Variants in FANCC observed in about 807,000 individuals in gnomAD.
FANCC encodes the protein Fanconi anemia group C protein.
FANCC carries 55 observed loss-of-function variants against 71.3 expected under a neutral mutation model. The ratio of observed to expected loss-of-function variants is 0.77; its 90% CI spans 0.62 to 0.97. FANCC has a LOEUF of 0.97. FANCC is among the 50% of genes least tolerant of loss of function. The pLI is 0.00. For missense variants in FANCC, 678 were observed against 670.9 expected (o/e 1.01, Z -0.12); for synonymous variants, 275 against 244.9 (o/e 1.12, Z -1.15).
At chr9:95,165,549 T>C (rs1373586879) in intron 6 of FANCC, among the ~76,000 whole-genome samples, 5 of 152,070 alleles carry the variant, frequency 3.3e-5, no homozygotes, top group Non-Finnish European at 7.4e-5. Context: ...TTTGACTCAC[T>C]GGTTGTTTAA....
intron 4 of FANCC, among the ~76,000 whole-genome samples, chr9:95,200,037 C>T (rs940185016): frequency 4.6e-5 from 7 of 152,040 alleles, no homozygotes; most frequent in South Asian, 2.1e-4. Flanking sequence ...TCTTTTATTT[C>T]GGTGTAAATT....
intron 1 of FANCC, among the ~76,000 whole-genome samples, chr9:95,279,378 G>C (rs368104267): frequency 1.3e-4 from 20 of 151,418 alleles, no homozygotes; most frequent in African/African-American, 4.1e-4. Flanking sequence ...GGTGGTGCAT[G>C]CCTGTGGTCC....
intron 11 of FANCC, among the ~76,000 whole-genome samples, chr9:95,116,494 C>G (rs1351828211): frequency 6.6e-6 from 1 of 152,180 alleles, no homozygotes; most frequent in Non-Finnish European, 1.5e-5. Flanking sequence ...TCTACTCACT[C>G]AAGTCTCAGA....
intron 1 of FANCC, chr9:95,293,283 T>C: frequency 2.5e-6 from 4 of 1,613,724 alleles, no homozygotes; most frequent in Non-Finnish European, 2.5e-6. Flanking sequence ...CTCATGCCTG[T>C]CTTTGTGCCT....
chr9:95,114,697 TC>T lies in FANCC; in HGVS notation c.1085del (p.Gly362AspfsTer7). 1 of 1,614,090 alleles carries T rather than the reference TC, an allele frequency of 6.2e-7. No individual in the cohort carries two copies. Among genetic ancestry groups the T allele is most frequent in the Non-Finnish European group, 8.5e-7 (1 of 1,179,982 alleles). On this transcript the variant is annotated frameshift_variant, in exon 12 of 15. Coordinates refer to ENST00000289081, the MANE Select transcript of FANCC (RefSeq NM_000136.3). LOFTEE classifies it high-confidence loss of function. ...TATGCTTCAGTGTCTGGAGCCAGTGTCCCCGAGGGATATCTGCGGGTGGAGA... is the reference window on the plus strand; with the variant it reads ...TATGCTTCAGTGTCTGGAGCCAGTGTCCCGAGGGATATCTGCGGGTGGAGA... Reference protein sequence around the residue: ...LLQDPQDIPRGHWLQTLKHIS... With the variant: ...LLQDPQDIPRXHWLQTLKHIS...
intron 1 of FANCC, chr9:95,293,177 A>G: frequency 1.2e-6 from 2 of 1,612,566 alleles, no homozygotes; most frequent in Non-Finnish European, 1.7e-6. Flanking sequence ...ACTGACAAGC[A>G]GACTCTTTCT....
At chr9:95,297,710 T>C (rs960855693) in intron 1 of FANCC, among the ~76,000 whole-genome samples, 31 of 152,370 alleles carry the variant, frequency 2.0e-4, no homozygotes, top group Admixed American at 1.2e-3. Flanking sequence ...AACTATTACA[T>C]GTTTTCTCTC....
At chr9:95,240,775 A>C in intron 3 of FANCC, 32 bp from the exon 4 acceptor site, 4 of 1,281,590 alleles carry the variant, frequency 3.1e-6, no homozygotes, top group Non-Finnish European at 4.5e-6. Context: ...AAGTTTTATC[A>C]AGCAGAAAAA....
At chr9:95,313,218 C>A (rs566365151) in intron 1 of FANCC, among the ~76,000 whole-genome samples, 1 of 152,282 alleles carries the variant, frequency 6.6e-6, no homozygotes, top group African/African-American at 2.4e-5. Context: ...AGCGGCACAC[C>A]CCAGGGAGCT....
chr9:95,194,107 C>T (rs1348441259), intron 4 of FANCC, among the ~76,000 whole-genome samples: 2 of 152,110 alleles, frequency 1.3e-5, no homozygotes, highest in South Asian at 4.2e-4. Context: ...TTCTGATGTG[C>T]AGCCAGGGCC....
At chr9:95,189,526 TC>T (rs1314326194) in intron 4 of FANCC, among the ~76,000 whole-genome samples, 2 of 111,528 alleles carry the variant, frequency 1.8e-5, no homozygotes, top group Non-Finnish European at 3.6e-5. Flanking sequence ...GCTCATTAGT[TC>T]CGGGGGGGGA....
At position 95,306,821 on chromosome 9, in the gene FANCC, C is replaced by T. The variant is rs747670535; in HGVS notation, c.-79+10705G>A. On this transcript the variant is annotated intron_variant, in intron 1 of 14. Coordinates refer to ENST00000289081, the MANE Select transcript of FANCC (RefSeq NM_000136.3). ...TCTTGGGAATTCCTTAATTATGAGC[C>T]AAAGTAATTTTTTTGAAAAGTCTCC... Among the ~76,000 whole-genome samples, 10 of 152,070 alleles carry T rather than the reference C, an allele frequency of 6.6e-5. No individual in the cohort carries two copies. The East Asian group carries it at 1.7e-3, about 27-fold the overall frequency.
At chr9:95,228,589 C>T (rs145383545) in intron 4 of FANCC, among the ~76,000 whole-genome samples, 1 of 152,228 alleles carries the variant, frequency 6.6e-6, no homozygotes, top group African/African-American at 2.4e-5. Context: ...GAACATGTAA[C>T]TTAGTTGGGA....
chr9:95,219,467 GT>G (rs958295849), intron 4 of FANCC, among the ~76,000 whole-genome samples: 6 of 151,788 alleles, frequency 4.0e-5, no homozygotes, highest in Non-Finnish European at 7.4e-5. Context: ...AGAATTGGCT[GT>G]TTTTTTTCAA....
At chr9:95,129,578 C>T (rs1826561687) in intron 8 of FANCC, among the ~76,000 whole-genome samples, 1 of 152,166 alleles carries the variant, frequency 6.6e-6, no homozygotes, top group African/African-American at 2.4e-5. Context: ...ATTATCTTTT[C>T]TATAAAAGCG....
intron 6 of FANCC, among the ~76,000 whole-genome samples, chr9:95,165,077 C>T (rs1332090795): frequency 4.0e-5 from 6 of 151,774 alleles, no homozygotes; most frequent in Admixed American, 3.3e-4. Flanking sequence ...TATAATTGTT[C>T]ATAGTAGTCT....
chr9:95,253,277 C>T (rs1831464313), intron 1 of FANCC, among the ~76,000 whole-genome samples: 1 of 152,008 alleles, frequency 6.6e-6, no homozygotes, highest in Non-Finnish European at 1.5e-5. Context: ...ATTAAAGTAC[C>T]CTGTGCCATC....
At chr9:95,185,824 A>G (rs1826672774) in intron 4 of FANCC, among the ~76,000 whole-genome samples, 1 of 152,178 alleles carries the variant, frequency 6.6e-6, no homozygotes, top group Non-Finnish European at 1.5e-5. Flanking sequence ...ACTTGTCCCC[A>G]TTACATGGTT....
intron 1 of FANCC, among the ~76,000 whole-genome samples, chr9:95,262,703 G>A (rs1832127727): frequency 6.6e-6 from 1 of 152,208 alleles, no homozygotes; most frequent in South Asian, 2.1e-4. Flanking sequence ...AGCCAAAAGT[G>A]AGAACAACTC....
Sources: allele counts gnomAD v4.1 joint callset (sites outside exome capture counted in the v4.1 genomes callset), GRCh38; gene constraint gnomAD v4.1.1; transcripts MANE v1.5; gene names NCBI Gene and HGNC (gene_info 2026-07-23, HGNC 2026-07-21).